The following HPSE2 variants were observed in gnomAD, a reference collection of about 807,000 sequenced individuals.
HPSE2 encodes the protein inactive heparanase-2.
A neutral mutation model predicts 60.5 loss-of-function variants in HPSE2; 38 were observed. That is an observed-to-expected ratio of 0.63 (90% CI 0.48 to 0.82). The LOEUF is 0.82. HPSE2 is among the 40% of genes least tolerant of loss of function. The pLI is 0.00. For synonymous variants in HPSE2, 295 were observed against 293.2 expected (o/e 1.01, Z -0.06); for missense variants, 713 against 740.4 (o/e 0.96, Z 0.43).
chr10:99,179,461 C>A (rs1320673451), intron 2 of HPSE2, among the ~76,000 whole-genome samples: 1 of 152,112 alleles, frequency 6.6e-6, no homozygotes, highest in Non-Finnish European at 1.5e-5. Context: ...TTCCTATACA[C>A]CAATAACAGA....
At chr10:99,022,678 G>T (rs1957289268) in intron 3 of HPSE2, among the ~76,000 whole-genome samples, 1 of 152,130 alleles carries the variant, frequency 6.6e-6, no homozygotes, top group Admixed American at 6.5e-5. Context: ...GATAGGCACT[G>T]ATCAGAGTCA....
chr10:98,651,577 T>C (rs1946915913), intron 6 of HPSE2, among the ~76,000 whole-genome samples: 1 of 152,274 alleles, frequency 6.6e-6, no homozygotes, highest in African/African-American at 2.4e-5. Context: ...GTATTTTTTT[T>C]CCCTCCAATC....
chr10:98,536,562 G>A (rs193070780), intron 9 of HPSE2, among the ~76,000 whole-genome samples: 2 of 152,340 alleles, frequency 1.3e-5, no homozygotes, highest in Non-Finnish European at 2.9e-5. Context: ...ATCAGGAAGT[G>A]TAGTCATGTT....
intron 5 of HPSE2, among the ~76,000 whole-genome samples, chr10:98,715,558 G>A (rs547652376): frequency 1.3e-4 from 19 of 151,916 alleles, no homozygotes; most frequent in Non-Finnish European, 1.2e-4. Flanking sequence ...GGTATTGCAG[G>A]TTCAGTTCCA....
At chr10:99,160,068 G>A (rs2133766296) in intron 2 of HPSE2, among the ~76,000 whole-genome samples, 1 of 151,674 alleles carries the variant, frequency 6.6e-6, no homozygotes, top group East Asian at 1.9e-4. Context: ...TTGAACCTGG[G>A]AGGCGAAGGT....
intron 2 of HPSE2, among the ~76,000 whole-genome samples, chr10:99,189,176 T>C (rs1221369280): frequency 6.6e-6 from 1 of 152,220 alleles, no homozygotes; most frequent in Non-Finnish European, 1.5e-5. Flanking sequence ...AGTTTTTCAG[T>C]AATGAATATC....
chr10:99,012,482 T>C lies in HPSE2; in HGVS notation c.610+131756A>G, dbSNP rs553681217. Among the ~76,000 whole-genome samples the C allele has an allele frequency of 4.1e-4, 63 of 152,122 alleles. 1 individual carries two copies. The highest frequency in any genetic ancestry group is 2.4e-3 in the Admixed American group (37 of 15,284). Reference sequence around the variant, plus strand: ...TGATTTGGAGGGTTGGTTAATACAATACAGAGAATATAGGGAGAAAGTATA... The same window carrying C: ...TGATTTGGAGGGTTGGTTAATACAACACAGAGAATATAGGGAGAAAGTATA... On this transcript the variant is annotated intron_variant, in intron 3 of 11. Transcript: ENST00000370552.
At chr10:99,307,830 GCGCACACACA>G in the HPSE2 span, among the ~76,000 whole-genome samples, 14,707 of 141,036 alleles carry the variant, frequency 0.1, 768 homozygotes, top group South Asian at 0.19. Flanking sequence ...CCTAGTAAAT[GCGCACACACA>G]CACACACACA....
At chr10:99,027,524 C>T (rs1436952840) in intron 3 of HPSE2, among the ~76,000 whole-genome samples, 1 of 152,050 alleles carries the variant, frequency 6.6e-6, no homozygotes. Context: ...ATGAATTCTA[C>T]AAAACATTTA....
At chr10:99,200,403 G>A (rs541632802) in intron 2 of HPSE2, among the ~76,000 whole-genome samples, 1 of 152,202 alleles carries the variant, frequency 6.6e-6, no homozygotes, top group Admixed American at 6.5e-5. Context: ...TAAAACTGAT[G>A]CTGAAGAGGT....
intron 3 of HPSE2, among the ~76,000 whole-genome samples, chr10:98,953,256 T>A (rs1050908761): frequency 2.6e-5 from 4 of 152,224 alleles, no homozygotes; most frequent in African/African-American, 9.6e-5. Context: ...TCATTTGGTG[T>A]TCTCCTCGGT....
intron 3 of HPSE2, among the ~76,000 whole-genome samples, chr10:99,086,354 T>TC (rs531852915): frequency 1.5e-4 from 21 of 135,760 alleles, no homozygotes; most frequent in Middle Eastern, 7.1e-3. Context: ...TTCTTTTTTT[T>TC]TTTTTTTTTT....
At chr10:99,088,756 T>C (rs1035017575) in intron 3 of HPSE2, among the ~76,000 whole-genome samples, 3 of 152,178 alleles carry the variant, frequency 2.0e-5, no homozygotes, top group African/African-American at 4.8e-5. Flanking sequence ...TAGATCTACT[T>C]TTAGTTCTTT....
At chr10:98,889,753 C>T (rs1953280163) in intron 3 of HPSE2, among the ~76,000 whole-genome samples, 1 of 152,116 alleles carries the variant, frequency 6.6e-6, no homozygotes, top group South Asian at 2.1e-4. Flanking sequence ...CAGGAGTTCC[C>T]TTCCAGTGGC....
At chr10:98,511,082 C>T (rs531789825) in intron 9 of HPSE2, among the ~76,000 whole-genome samples, 1 of 151,956 alleles carries the variant, frequency 6.6e-6, no homozygotes, top group South Asian at 2.1e-4. Context: ...ACATCTATTA[C>T]AGTGCCTGAT....
chr10:98,927,042 T>C lies in HPSE2; in HGVS notation c.611-182986A>G, dbSNP rs186798297. Among the ~76,000 whole-genome samples the C allele has an allele frequency of 1.3e-3, 201 of 152,290 alleles. 1 individual carries two copies. The highest frequency in any genetic ancestry group is 4.8e-3 in the African/African-American group (200 of 41,556). On this transcript the variant is annotated intron_variant, in intron 3 of 11. Coordinates refer to ENST00000370552, the MANE Select transcript of HPSE2 (RefSeq NM_021828.5). Reference sequence around the variant, plus strand: ...GCTTTACTTCCAAGTATGTGGCCAATTTTGGAATAGGCGTGGTGCTGAAAA... The same window carrying C: ...GCTTTACTTCCAAGTATGTGGCCAACTTTGGAATAGGCGTGGTGCTGAAAA...
intron 6 of HPSE2, among the ~76,000 whole-genome samples, chr10:98,666,135 C>T (rs1036601721): frequency 6.6e-6 from 1 of 152,120 alleles, no homozygotes; most frequent in African/African-American, 2.4e-5. Context: ...AGTAGCTATT[C>T]TTGTATCAGA....
At chr10:99,123,004 T>C (rs1214535340) in intron 3 of HPSE2, among the ~76,000 whole-genome samples, 10 of 152,236 alleles carry the variant, frequency 6.6e-5, no homozygotes, top group East Asian at 1.9e-4. Flanking sequence ...ATAACATCTA[T>C]GGTATTTCAA....
chr10:99,153,354 C>A (rs1333763280), intron 2 of HPSE2, among the ~76,000 whole-genome samples: 1 of 152,212 alleles, frequency 6.6e-6, no homozygotes, highest in Non-Finnish European at 1.5e-5. Flanking sequence ...ATGTCCCTGT[C>A]TGACAGCTTT....
Sources: allele counts gnomAD v4.1 joint callset (sites outside exome capture counted in the v4.1 genomes callset), GRCh38; gene constraint gnomAD v4.1.1; transcripts MANE v1.5; gene names NCBI Gene and HGNC (gene_info 2026-07-23, HGNC 2026-07-21).